The following GLIS3 variants were observed in gnomAD, a reference collection of about 807,000 sequenced individuals.
The protein encoded by GLIS3 is zinc finger protein GLIS3.
A neutral mutation model predicts 78.6 loss-of-function variants in GLIS3; 53 were observed. The observed-to-expected ratio is 0.67, with a 90% CI of 0.54 to 0.85. The LOEUF (loss-of-function observed/expected upper bound fraction) is 0.85. Ranked by LOEUF, GLIS3 falls within the 40% of genes least tolerant of loss-of-function variation. The pLI is 0.00. For synonymous variants in GLIS3, 684 were observed against 509.9 expected (o/e 1.34, Z -4.60); for missense variants, 1,703 against 1,231.1 (o/e 1.38, Z -5.74).
chr9:4,117,698 GAA>G, intron 4 of GLIS3, 68 bp downstream of exon 4: 1 of 1,589,132 alleles, frequency 6.3e-7, no homozygotes, highest in Non-Finnish European at 8.6e-7. Context: ...GCCGAGTTAG[GAA>G]AAAACACACG....
At chr9:3,850,242 G>A (rs753181185) in intron 9 of GLIS3, among the ~76,000 whole-genome samples, 33 of 152,218 alleles carry the variant, frequency 2.2e-4, no homozygotes, top group Non-Finnish European at 4.7e-4. Flanking sequence ...GCAGGGCCCA[G>A]TGCACAGGAA....
chr9:3,856,084 G>C lies in GLIS3; in HGVS notation c.2398C>G (p.Pro800Ala). ...QRTQPPYTQQ[P>A]SGSHLKSYQP... is the part of the protein sequence containing the mutation. ...TAGGACTTCAGGTGTGAACCTGATG[G>C]CTGCTGGGTATAGGGAGGCTGTGTT... Residue 800 changes from proline to alanine, a missense_variant, in exon 9 of 11, where the codon CCA (proline) becomes GCA (alanine). Physicochemically the swap from Pro to Ala is conservative, Grantham distance 27. Transcript: ENST00000381971. 6.2e-7 allele frequency: 1 copy of C among 1,614,174 alleles called. No homozygotes were observed. The highest frequency in any genetic ancestry group is 8.5e-7 in the Non-Finnish European group (1 of 1,180,004).
intron 2 of GLIS3, among the ~76,000 whole-genome samples, chr9:4,275,871 A>T (rs1246744606): frequency 6.6e-6 from 1 of 152,198 alleles, no homozygotes; most frequent in Non-Finnish European, 1.5e-5. Flanking sequence ...GGGGCCGATT[A>T]CCCCATCTCA....
chr9:4,092,498 C>T, intron 4 of GLIS3, among the ~76,000 whole-genome samples: 1 of 152,088 alleles, frequency 6.6e-6, no homozygotes, highest in Admixed American at 6.6e-5. Flanking sequence ...ACAATATTTC[C>T]TTTCTTTATT....
chr9:4,310,216 G>C (rs1180864489), intron 3 of GLIS3, among the ~76,000 whole-genome samples: 1 of 152,144 alleles, frequency 6.6e-6, no homozygotes, highest in African/African-American at 2.4e-5. Flanking sequence ...TATGGGCAAG[G>C]GGTAGATGGG....
At chr9:4,247,834 A>T (rs1199204057) in intron 2 of GLIS3, among the ~76,000 whole-genome samples, 1 of 152,186 alleles carries the variant, frequency 6.6e-6, no homozygotes, top group Non-Finnish European at 1.5e-5. Context: ...TATGTCTATA[A>T]TTTGCAGTGA....
rs1823064700 is a variant in GLIS3 at position 3,898,790 on chromosome 9, G to A, written c.2029C>T (p.Leu677Phe). The change falls in exon 7 of 11, where the codon CTC becomes TTC. Residue 677 changes from leucine (L) to phenylalanine (F), a missense_variant. By Grantham distance (22) the Leu-to-Phe change is conservative. Transcript: ENST00000381971. ...ELHPDLLTDC[L>F]TVQSLQPATS... ...GCCGGCTGCAGGGACTGCACGGTGA[G>A]GCAATCTGTGAGCAGGTCTGGATGG... 5 of 1,614,168 alleles carry A rather than the reference G, an allele frequency of 3.1e-6. No individual in the cohort carries two copies. The highest frequency in any genetic ancestry group is 4.2e-6 in the Non-Finnish European group (5 of 1,180,024).
At position 3,862,592 on chromosome 9, in the gene GLIS3, T is replaced by G. The variant is rs1302693716; in HGVS notation, c.2298-6408A>C. 2.0e-5 allele frequency among the ~76,000 whole-genome samples: 3 copies of G among 152,224 alleles called. No individual in the cohort carries two copies. The East Asian group carries it at 5.8e-4, about 29-fold the overall frequency. On this transcript the variant is annotated intron_variant, in intron 8 of 10. Coordinates refer to ENST00000381971, the MANE Select transcript of GLIS3 (RefSeq NM_001042413.2). ...AGCATGTCATAAATATTTCTTACTT[T>G]TCTTCATTTGTACTGTACGCACAAG...
intron 4 of GLIS3, among the ~76,000 whole-genome samples, chr9:4,012,387 C>G (rs1051878919): frequency 6.6e-6 from 1 of 152,114 alleles, no homozygotes; most frequent in Non-Finnish European, 1.5e-5. Context: ...AAACCAGATT[C>G]TTTTCGGTGA....
chr9:4,236,832 C>T (rs1039645241), intron 2 of GLIS3, among the ~76,000 whole-genome samples: 67 of 152,196 alleles, frequency 4.4e-4, no homozygotes, highest in African/African-American at 1.5e-3. Flanking sequence ...ACTGGAAAAA[C>T]AAATCCTTCC....
chr9:4,103,655 C>T (rs1188727163), intron 4 of GLIS3, among the ~76,000 whole-genome samples: 2 of 152,154 alleles, frequency 1.3e-5, no homozygotes, highest in Admixed American at 1.3e-4. Flanking sequence ...AGAGTGTCTG[C>T]TTACACACTG....
intron 2 of GLIS3, among the ~76,000 whole-genome samples, chr9:4,284,121 G>A (rs934877786): frequency 6.6e-6 from 1 of 152,170 alleles, no homozygotes; most frequent in African/African-American, 2.4e-5. Flanking sequence ...GTATTCCCAA[G>A]CTCCTTACTG....
At chr9:4,404,900 G>A in the GLIS3 span, among the ~76,000 whole-genome samples, 2 of 151,870 alleles carry the variant, frequency 1.3e-5, no homozygotes, top group African/African-American at 4.8e-5. Context: ...CTAAAATGAA[G>A]AAGACAATAC....
At position 4,183,853 on chromosome 9, in the gene GLIS3, C is replaced by T. The variant is rs143619086; in HGVS notation, c.389-57912G>A. 2.4e-3 allele frequency among the ~76,000 whole-genome samples: 363 copies of T among 152,258 alleles called. 2 individuals are homozygous for T. Among genetic ancestry groups the T allele is most frequent in the African/African-American group, 7.5e-3 (312 of 41,558 alleles). On this transcript the variant is annotated intron_variant, in intron 2 of 10. Coordinates refer to ENST00000381971, the MANE Select transcript of GLIS3 (RefSeq NM_001042413.2). Reference sequence around the variant, plus strand: ...TTTACATGTCTGACTTTCAATTAGCCTTTCAGATCCTTAAGGGCAGAGAAC... The same window carrying T: ...TTTACATGTCTGACTTTCAATTAGCTTTTCAGATCCTTAAGGGCAGAGAAC...
intron 3 of GLIS3, among the ~76,000 whole-genome samples, chr9:4,124,548 T>C (rs1428077104): frequency 2.0e-5 from 3 of 152,174 alleles, no homozygotes; most frequent in Non-Finnish European, 2.9e-5. Flanking sequence ...AGAAGTCCCT[T>C]AAGGCATAAT....
intron 2 of GLIS3, among the ~76,000 whole-genome samples, chr9:4,236,724 T>C (rs1223502504): frequency 6.6e-6 from 1 of 152,204 alleles, no homozygotes; most frequent in African/African-American, 2.4e-5. Context: ...TGTAAGGCAA[T>C]TTTAGGTGCT....
intron 2 of GLIS3, among the ~76,000 whole-genome samples, chr9:4,202,823 A>G (rs901970264): frequency 2.6e-5 from 4 of 152,224 alleles, no homozygotes; most frequent in Admixed American, 6.5e-5. Flanking sequence ...TTAAGTCAAG[A>G]TGGATTAAAG....
intron 9 of GLIS3, among the ~76,000 whole-genome samples, chr9:3,838,163 G>A (rs1349021725): frequency 6.6e-6 from 1 of 152,172 alleles, no homozygotes; most frequent in Non-Finnish European, 1.5e-5. Context: ...ACCTTGTCCA[G>A]TTTGTTAATT....
rs553553778 is a variant in GLIS3, at chr9:4,228,969, T to G, written c.388+57069A>C. Among the ~76,000 whole-genome samples, 182 of 152,232 alleles carry G rather than the reference T, an allele frequency of 1.2e-3. 1 individual carries two copies. The highest frequency in any genetic ancestry group is 2.0e-3 in the Non-Finnish European group (139 of 68,018). On this transcript the variant is annotated intron_variant, in intron 2 of 10. Coordinates refer to ENST00000381971, the MANE Select transcript of GLIS3 (RefSeq NM_001042413.2). Reference sequence around the variant, plus strand: ...TAACAACTCCTACATAATGCTTTGTTGAGTACAGCAAGATTCTAGCAATAG... The same window carrying G: ...TAACAACTCCTACATAATGCTTTGTGGAGTACAGCAAGATTCTAGCAATAG...
Sources: allele counts gnomAD v4.1 joint callset (sites outside exome capture counted in the v4.1 genomes callset), GRCh38; gene constraint gnomAD v4.1.1; transcripts MANE v1.5; gene names NCBI Gene and HGNC (gene_info 2026-07-23, HGNC 2026-07-21).